Variants in ZDHHC14 observed in about 807,000 individuals in gnomAD.
ZDHHC14 encodes the protein palmitoyltransferase ZDHHC14.
In ZDHHC14, 16 loss-of-function variants were observed where a neutral mutation model predicts 47.7. The observed-to-expected ratio is 0.34, with a 90% CI of 0.23 to 0.51. The LOEUF is 0.51. Ranked by LOEUF, ZDHHC14 falls within the 20% of genes least tolerant of loss-of-function variation. ZDHHC14 has a pLI of 0.97. For synonymous variants in ZDHHC14, 293 were observed against 278.9 expected (o/e 1.05, Z -0.50); for missense variants, 515 against 662.5 (o/e 0.78, Z 2.44).
chr6:157,583,414 A>G (rs1407983554), intron 2 of ZDHHC14, among the ~76,000 whole-genome samples: 1 of 152,078 alleles, frequency 6.6e-6, no homozygotes, highest in African/African-American at 2.4e-5. Context: ...TCAGAGGACC[A>G]AGGCTTTTTG....
intron 2 of ZDHHC14, among the ~76,000 whole-genome samples, chr6:157,589,621 G>T (rs545832015): frequency 1.3e-5 from 2 of 152,256 alleles, no homozygotes; most frequent in African/African-American, 4.8e-5. Flanking sequence ...TTCCCCTTCT[G>T]CCATGATTGT....
At chr6:157,529,747 A>G (rs1276132927) in intron 1 of ZDHHC14, among the ~76,000 whole-genome samples, 1 of 152,232 alleles carries the variant, frequency 6.6e-6, no homozygotes, top group Non-Finnish European at 1.5e-5. Context: ...TACAGCTGTT[A>G]TTGTATTCCA....
In ZDHHC14 at chr6:157,453,824, A is replaced by G. The variant is rs1240511563; in HGVS notation, c.245+71558A>G. Among the ~76,000 whole-genome samples the G allele has an allele frequency of 4.4e-5, 5 of 113,630 alleles. No homozygotes were observed. The East Asian group carries it at 7.9e-4, about 18-fold the overall frequency. The allele number at this position is 113,630 out of a possible 152,430, so 74.5% of individuals were successfully genotyped here. ...TGTGTGTGTGTGTGTGTGTTTGACC[A>G]TGGATGACTCCACATGTAATATGTG... On this transcript the variant is annotated intron_variant, in intron 1 of 8. Transcript: ENST00000359775.
chr6:157,544,144 G>T (rs1781872716), intron 2 of ZDHHC14, among the ~76,000 whole-genome samples: 1 of 152,216 alleles, frequency 6.6e-6, no homozygotes, highest in Non-Finnish European at 1.5e-5. Context: ...ATTGAGGAGA[G>T]AGAGGGAAGT....
chr6:157,553,428 C>A (rs1438400833), intron 2 of ZDHHC14, among the ~76,000 whole-genome samples: 1 of 152,102 alleles, frequency 6.6e-6, no homozygotes, highest in East Asian at 1.9e-4. Flanking sequence ...ATCACGGATG[C>A]CTTCAGGTCA....
At chr6:157,601,080 G>A (rs571874496) in intron 3 of ZDHHC14, among the ~76,000 whole-genome samples, 10 of 152,318 alleles carry the variant, frequency 6.6e-5, no homozygotes, top group East Asian at 3.9e-4. Context: ...TGGCCGCAGC[G>A]CACGGGGCTC....
intron 5 of ZDHHC14, among the ~76,000 whole-genome samples, chr6:157,638,628 C>G (rs563083967): frequency 6.6e-6 from 1 of 152,372 alleles, no homozygotes; most frequent in African/African-American, 2.4e-5. Flanking sequence ...TGACAGGTCA[C>G]AAGGTCGAGA....
chr6:157,473,214 A>T (rs191449306), intron 1 of ZDHHC14, among the ~76,000 whole-genome samples: 1 of 152,342 alleles, frequency 6.6e-6, no homozygotes, highest in Admixed American at 6.5e-5. Flanking sequence ...AGAATACAGT[A>T]TATTGTTATT....
intron 1 of ZDHHC14, among the ~76,000 whole-genome samples, chr6:157,505,005 T>C (rs1780292071): frequency 6.6e-6 from 1 of 151,950 alleles, no homozygotes; most frequent in Non-Finnish European, 1.5e-5. Flanking sequence ...AGATGGGGTT[T>C]CACCCTGTTG....
At position 157,653,552 on chromosome 6, in the gene ZDHHC14, GC is replaced by G; in HGVS notation, c.996del (p.Asp333ThrfsTer94). On this transcript the variant is annotated frameshift_variant, in exon 8 of 9. Coordinates refer to ENST00000359775, the MANE Select transcript of ZDHHC14 (RefSeq NM_024630.3). LOFTEE classifies it high-confidence loss of function. ...SLIDRRGYIQ[P>X]DTPQPAAPSN... ...TGATCGACAGAAGAGGGTACATCCA[GC>G]CCGACACGCCGCAGCCAGCAGCACC... 1 of 1,613,870 alleles carries G rather than the reference GC, an allele frequency of 6.2e-7. No individual in the cohort carries two copies. The highest frequency in any genetic ancestry group is 8.5e-7 in the Non-Finnish European group (1 of 1,179,964).
At chr6:157,415,392 T>C (rs1244696829) in intron 1 of ZDHHC14, among the ~76,000 whole-genome samples, 1 of 152,186 alleles carries the variant, frequency 6.6e-6, no homozygotes, top group African/African-American at 2.4e-5. Context: ...CAGGGAGTGC[T>C]ATTTCAAGAA....
At chr6:157,420,348 C>G (rs931200319) in intron 1 of ZDHHC14, among the ~76,000 whole-genome samples, 1 of 138,066 alleles carries the variant, frequency 7.2e-6, no homozygotes, top group Admixed American at 7.7e-5. Flanking sequence ...TGGGCTGAGT[C>G]AAGGCACTGA....
chr6:157,546,722 G>A (rs923567281), intron 2 of ZDHHC14, among the ~76,000 whole-genome samples: 4 of 152,140 alleles, frequency 2.6e-5, no homozygotes, highest in African/African-American at 7.2e-5. Flanking sequence ...CAACTGATTT[G>A]GGGTTAGAAA....
chr6:157,522,991 C>CT (rs1403696047), intron 1 of ZDHHC14, among the ~76,000 whole-genome samples: 42 of 101,340 alleles, frequency 4.1e-4, no homozygotes, highest in African/African-American at 1.7e-3. Context: ...TTTTTCTTTT[C>CT]TTTTCTTTTC....
chr6:157,578,469 G>A lies in ZDHHC14; in HGVS notation c.407-14519G>A, dbSNP rs547567768. On this transcript the variant is annotated intron_variant, in intron 2 of 8. Transcript: ENST00000359775. ...GGGAATCCTTTCCCCCATTGTTTTT[G>A]TCAGGTTTGTCAATGATCAGATGGT... is the stretch of plus-strand genomic sequence containing the variant. Among the ~76,000 whole-genome samples the A allele has an allele frequency of 3.3e-5, 5 of 152,214 alleles. No homozygotes were observed. In the South Asian group the frequency reaches 1.0e-3, roughly 32 times the overall value.
At chr6:157,568,330 C>A (rs896485559) in intron 2 of ZDHHC14, among the ~76,000 whole-genome samples, 1 of 152,026 alleles carries the variant, frequency 6.6e-6, no homozygotes, top group African/African-American at 2.4e-5. Flanking sequence ...TTAATTAATT[C>A]TACCAAAGAT....
intron 1 of ZDHHC14, among the ~76,000 whole-genome samples, chr6:157,470,536 T>A (rs1435129301): frequency 6.6e-6 from 1 of 152,212 alleles, no homozygotes; most frequent in Non-Finnish European, 1.5e-5. Context: ...ACCACAAGTA[T>A]GTTAAAATAA....
chr6:157,396,011 T>C (rs1331314426), intron 1 of ZDHHC14, among the ~76,000 whole-genome samples: 1 of 151,994 alleles, frequency 6.6e-6, no homozygotes, highest in Non-Finnish European at 1.5e-5. Flanking sequence ...TAGGTCTGCT[T>C]TTGCCTTTAC....
intron 2 of ZDHHC14, among the ~76,000 whole-genome samples, chr6:157,591,178 T>C (rs1398671302): frequency 6.6e-6 from 1 of 152,214 alleles, no homozygotes; most frequent in Non-Finnish European, 1.5e-5. Context: ...TTTGGGTTAA[T>C]GCTAGAATGA....
Sources: allele counts gnomAD v4.1 joint callset (sites outside exome capture counted in the v4.1 genomes callset), GRCh38; gene constraint gnomAD v4.1.1; transcripts MANE v1.5; gene names NCBI Gene and HGNC (gene_info 2026-07-23, HGNC 2026-07-21).